Variants in SYNE1 observed in about 807,000 individuals in gnomAD.
SYNE1 encodes the protein nesprin-1.
SYNE1 carries 616 observed loss-of-function variants against 1,111.0 expected under a neutral mutation model. That is an observed-to-expected ratio of 0.55 (90% CI 0.52 to 0.59). The LOEUF is 0.59. Among genes scored for constraint, SYNE1 ranks in the 20% least tolerant of loss-of-function variants. SYNE1 has a pLI of 0.00. For synonymous variants in SYNE1, 3,855 were observed against 3,825.8 expected, an observed-to-expected ratio of 1.01 and a Z score of -0.28; for missense variants, 10,006 against 10,417.0, an observed-to-expected ratio of 0.96 and a Z score of 1.72.
At chr6:152,364,761 GC>G (rs1241621804) in intron 63 of SYNE1, 85 bp downstream of exon 63, 1 of 1,539,290 alleles carries the variant, frequency 6.5e-7, no homozygotes, top group East Asian at 2.3e-5. Context: ...GGGAAGGGAA[GC>G]CGGCCACAGG....
chr6:152,397,011 T>A, intron 49 of SYNE1, 31 bp from the exon 50 acceptor site: 2 of 1,602,096 alleles, frequency 1.2e-6, no homozygotes, highest in Non-Finnish European at 8.6e-7. Context: ...AATAGGTCCA[T>A]GGGACTATGC....
rs749017355 is a variant in SYNE1, at chr6:152,300,655, C to A, written c.17668G>T (p.Ala5890Ser). ...CTGGGAGGTACCTGGTTAACAGAAG[C>A]ATCTGTATTAGCCACAGGTGAAGGG... ...RSPSPVANTDASVNQDIAYYQ... is the reference protein window; with the variant it reads ...RSPSPVANTDSSVNQDIAYYQ... Residue 5890 changes from alanine to serine, a missense_variant, in exon 93 of 146, where the codon GCT (alanine) becomes TCT (serine). Ala to Ser is a moderately conservative substitution (Grantham distance 99). This residue lies in a region of SYNE1 where 4,955 missense variants were observed against 5,017.2 expected (regional missense o/e 0.99). Coordinates refer to ENST00000367255, the MANE Select transcript of SYNE1 (RefSeq NM_182961.4). The A allele has an allele frequency of 2.5e-6, 4 of 1,614,162 alleles. No homozygotes were observed. Among genetic ancestry groups the A allele is most frequent in the African/African-American group, 1.3e-5 (1 of 75,046 alleles).
intron 144 of SYNE1, 124 bp from the exon 145 acceptor site, chr6:152,130,902 G>C: frequency 2.1e-6 from 2 of 948,384 alleles, no homozygotes; most frequent in Non-Finnish European, 3.2e-6. Flanking sequence ...GAAATGATCA[G>C]TACCCATGAA....
At chr6:152,279,383 A>C (rs1017172656) in intron 97 of SYNE1, among the ~76,000 whole-genome samples, 1 of 151,950 alleles carries the variant, frequency 6.6e-6, no homozygotes, top group African/African-American at 2.4e-5. Flanking sequence ...TGTTAATGAG[A>C]AAAGATACTT....
At chr6:152,347,877 G>C (rs950959397) in intron 72 of SYNE1, among the ~76,000 whole-genome samples, 1 of 149,670 alleles carries the variant, frequency 6.7e-6, no homozygotes, top group African/African-American at 2.5e-5. Context: ...TTTTAGTAGA[G>C]ATGGAGTTTT....
intron 142 of SYNE1, 114 bp from the exon 143 acceptor site, chr6:152,133,602 A>G (rs953889160): frequency 2.9e-6 from 3 of 1,028,744 alleles, no homozygotes; most frequent in African/African-American, 3.2e-5. Flanking sequence ...CTGAGCATCA[A>G]ACGTGGAGCT....
intron 138 of SYNE1, among the ~76,000 whole-genome samples, chr6:152,141,835 C>T (rs931344708): frequency 1.3e-5 from 2 of 152,030 alleles, no homozygotes; most frequent in African/African-American, 2.4e-5. Flanking sequence ...CTTTGGGGGC[C>T]GAGGTGGGAG....
intron 25 of SYNE1, 156 bp downstream of exon 25, chr6:152,453,429 GT>G: frequency 1.0e-6 from 1 of 981,704 alleles, no homozygotes; most frequent in Non-Finnish European, 1.6e-6. Flanking sequence ...ATATTATCAG[GT>G]TTTATTTAAG....
At chr6:152,337,153 A>C in intron 75 of SYNE1, 136 bp from the exon 76 acceptor site, 1 of 797,556 alleles carries the variant, frequency 1.3e-6, no homozygotes, top group Non-Finnish European at 2.0e-6. Flanking sequence ...ACACACACAA[A>C]TACATAAATT....
chr6:152,241,297 A>C (rs149250879), intron 107 of SYNE1, among the ~76,000 whole-genome samples: 2,260 of 152,254 alleles, frequency 0.015, 62 homozygotes, highest in African/African-American at 0.052. Context: ...ACGTCTGGGA[A>C]AAAATAGGAA....
chr6:152,374,764 C>T (rs1332407243), intron 58 of SYNE1, among the ~76,000 whole-genome samples: 3 of 141,562 alleles, frequency 2.1e-5, no homozygotes, highest in Non-Finnish European at 3.0e-5. Flanking sequence ...ACAGAGTAAA[C>T]ACTTTTCTCA....
intron 107 of SYNE1, among the ~76,000 whole-genome samples, chr6:152,241,572 C>G (rs912421379): frequency 4.1e-5 from 6 of 146,504 alleles, no homozygotes; most frequent in Non-Finnish European, 7.5e-5. Context: ...CCAACCTGAG[C>G]TTGGCTGTGG....
chr6:152,378,857 C>T (rs1442877413), intron 56 of SYNE1, among the ~76,000 whole-genome samples: 2 of 152,138 alleles, frequency 1.3e-5, no homozygotes, highest in African/African-American at 4.8e-5. Flanking sequence ...CCCACCTAGG[C>T]TGTGATTATG....
intron 9 of SYNE1, 85 bp from the exon 10 acceptor site, chr6:152,502,827 C>A: frequency 9.6e-7 from 1 of 1,045,466 alleles, no homozygotes; most frequent in Non-Finnish European, 1.5e-6. Flanking sequence ...AGCTATCACA[C>A]CAAAAACGCT....
rs779475845 is a variant in SYNE1, at chr6:152,407,085, G to C, written c.6652C>G (p.Pro2218Ala). Residue 2218 changes from proline (P) to alanine (A), a missense_variant, in exon 45 of 146, where the codon CCA becomes GCA. By Grantham distance (27) the Pro-to-Ala change is conservative (BLOSUM62 -1). Around this residue, in one of 7 missense-constraint regions of SYNE1, gnomAD observed 4,955 missense variants for 5,017.2 expected, o/e 0.99. Coordinates refer to ENST00000367255, the MANE Select transcript of SYNE1 (RefSeq NM_182961.4). ...TTGCTGATGTTTTCTGCCATCTGTGGAACGCAGTTGTTTGACCATCCCTCA... is the reference window on the plus strand; with the variant it reads ...TTGCTGATGTTTTCTGCCATCTGTGCAACGCAGTTGTTTGACCATCCCTCA... ...EIEGWSNNCV[P>A]QMAENISNLD... The C allele has an allele frequency of 9.3e-6, 15 of 1,613,846 alleles. No individual in the cohort carries two copies. The East Asian group carries it at 3.3e-4, about 36-fold the overall frequency.
In SYNE1 at chr6:152,387,134, A is replaced by G. The variant is rs889715064; in HGVS notation, c.8425T>C (p.Phe2809Leu). ...ELYEKTEDES[F>L]KDTAQEELKT... Reference sequence around the variant, plus strand: ...AGCTCCTCTTGAGCTGTGTCCTTGAAAGACTCATCCTCTGTCTTTTCGTAG... The same window carrying G: ...AGCTCCTCTTGAGCTGTGTCCTTGAGAGACTCATCCTCTGTCTTTTCGTAG... The change falls in exon 54 of 146, where the codon TTC (phenylalanine) becomes CTC (leucine). Residue 2809 changes from phenylalanine to leucine, a missense_variant. Transcript: ENST00000367255. The G allele has an allele frequency of 1.9e-6, 3 of 1,614,198 alleles. No homozygotes were observed. The highest frequency in any genetic ancestry group is 2.5e-6 in the Non-Finnish European group (3 of 1,180,026).
chr6:152,544,019 T>C (rs1037803800), intron 3 of SYNE1, among the ~76,000 whole-genome samples: 1 of 152,240 alleles, frequency 6.6e-6, no homozygotes, highest in Non-Finnish European at 1.5e-5. Context: ...CATGACTTTA[T>C]ATGTCATTAT....
chr6:152,214,150 G>A (rs1362597701), intron 122 of SYNE1, among the ~76,000 whole-genome samples: 1 of 147,694 alleles, frequency 6.8e-6, no homozygotes, highest in Non-Finnish European at 1.5e-5. Context: ...CCGAGATTGT[G>A]CCTTTGCACT....
chr6:152,318,846 A>G lies in SYNE1; in HGVS notation c.16389+17T>C. The G allele has an allele frequency of 6.2e-7, 1 of 1,613,912 alleles. No individual in the cohort carries two copies. Among genetic ancestry groups the G allele is most frequent in the Non-Finnish European group, 8.5e-7 (1 of 1,179,872 alleles). ...TTTAATTCATTCAGTAGTACCCTTT[A>G]AAATTCTACTTCTTACCTTTTGGTC... On this transcript the variant is annotated intron_variant, in intron 85 of 145. Coordinates refer to ENST00000367255, the MANE Select transcript of SYNE1 (RefSeq NM_182961.4).
Sources: allele counts gnomAD v4.1 joint callset (sites outside exome capture counted in the v4.1 genomes callset), GRCh38; gene constraint gnomAD v4.1.1; regional missense constraint gnomAD v4.1.1; transcripts MANE v1.5; gene names NCBI Gene and HGNC (gene_info 2026-07-23, HGNC 2026-07-21).